The following KANK1 variants were observed in gnomAD, a reference collection of about 807,000 sequenced individuals.
KANK1 encodes the protein KN motif and ankyrin repeat domains 1, also known as KN motif and ankyrin repeat domain-containing protein 1.
KANK1 carries 109 observed loss-of-function variants against 106.2 expected under a neutral mutation model. That is an observed-to-expected ratio of 1.03 (90% CI 0.88 to 1.20). The LOEUF (loss-of-function observed/expected upper bound fraction) is 1.20, where lower values mean the gene tolerates loss of function less well. Ranked by LOEUF, KANK1 falls within the 50% of genes most tolerant of loss-of-function variation. KANK1 has a pLI of 0.00. For missense variants in KANK1, 2,399 were observed against 1,710.7 expected, an observed-to-expected ratio of 1.40 and a Z score of -7.10; for synonymous variants, 873 against 652.2, an observed-to-expected ratio of 1.34 and a Z score of -5.16.
At chr9:594,595 TGA>T (rs1427547054) in intron 1 of KANK1, among the ~76,000 whole-genome samples, 3 of 151,858 alleles carry the variant, frequency 2.0e-5, no homozygotes, top group Non-Finnish European at 4.4e-5. Context: ...TTAATAAGTG[TGA>T]GATTGTTTAT....
chr9:521,237 C>G (rs1180649822), intron 1 of KANK1, among the ~76,000 whole-genome samples: 1 of 151,702 alleles, frequency 6.6e-6, no homozygotes, highest in African/African-American at 2.4e-5. Context: ...TGTTGAGATT[C>G]TTTTTGTGGG....
intron 1 of KANK1, among the ~76,000 whole-genome samples, chr9:655,228 G>T (rs1158004056): frequency 6.6e-6 from 1 of 151,968 alleles, no homozygotes; most frequent in African/African-American, 2.4e-5. Flanking sequence ...GAAATTAGTC[G>T]GGCATGATGG....
intron 3 of KANK1, among the ~76,000 whole-genome samples, chr9:491,287 T>TTTTTTG (rs1489133695): frequency 6.7e-6 from 1 of 150,014 alleles, no homozygotes; most frequent in African/African-American, 2.5e-5. Flanking sequence ...TTTTTTTTTT[T>TTTTTTG]AGACAGAGTC....
chr9:689,355 G>A (rs557735061), intron 2 of KANK1, among the ~76,000 whole-genome samples: 8 of 152,194 alleles, frequency 5.3e-5, no homozygotes, highest in African/African-American at 1.7e-4. Flanking sequence ...AGATAGCATC[G>A]TCTTCCTAAA....
intron 8 of KANK1, among the ~76,000 whole-genome samples, chr9:740,193 A>G (rs1835027998): frequency 6.6e-6 from 1 of 152,198 alleles, no homozygotes; most frequent in Admixed American, 6.5e-5. Context: ...CAAGAATAGA[A>G]AAGGTCTGGT....
At chr9:608,031 A>ATTTTTTTTTTT (rs1175822024) in intron 1 of KANK1, among the ~76,000 whole-genome samples, 23 of 88,098 alleles carry the variant, frequency 2.6e-4, no homozygotes, top group African/African-American at 5.9e-4. Flanking sequence ...TATTATTATT[A>ATTTTTTTTTTT]TTATTTTTTT....
At chr9:660,293 T>C in intron 1 of KANK1, 1 of 226,958 alleles carries the variant, frequency 4.4e-6, no homozygotes. Context: ...TTGGAATGGC[T>C]AAGGACAACC....
intron 1 of KANK1, among the ~76,000 whole-genome samples, chr9:665,291 T>C (rs982708755): frequency 6.6e-6 from 1 of 152,216 alleles, no homozygotes; most frequent in African/African-American, 2.4e-5. Flanking sequence ...ATTAGTTTTA[T>C]AATTTCAGGT....
chr9:553,459 C>T (rs1349528612), intron 1 of KANK1, among the ~76,000 whole-genome samples: 2 of 151,998 alleles, frequency 1.3e-5, no homozygotes, highest in Admixed American at 1.3e-4. Context: ...TCTAAGAGCA[C>T]GCAGGTGGAA....
chr9:717,658 T>C (rs925151880), intron 3 of KANK1, among the ~76,000 whole-genome samples: 3 of 152,200 alleles, frequency 2.0e-5, no homozygotes, highest in African/African-American at 7.2e-5. Context: ...GGAAATGAGT[T>C]TCTGTTATAA....
At chr9:587,701 T>C (rs1823846537) in intron 1 of KANK1, among the ~76,000 whole-genome samples, 1 of 152,228 alleles carries the variant, frequency 6.6e-6, no homozygotes. Flanking sequence ...CCAAGCATTT[T>C]ATATATATTA....
At chr9:547,064 T>C (rs1347687532) in intron 1 of KANK1, among the ~76,000 whole-genome samples, 1 of 152,196 alleles carries the variant, frequency 6.6e-6, no homozygotes, top group Admixed American at 6.5e-5. Context: ...TTTGAAACAT[T>C]TGGGGCTGAT....
Position 732,370 on chromosome 9 carries a change from C to G in KANK1, c.3006-8C>G. ...CTTGCATCTCCTGAAATCCCAATTG[C>G]CACCTAGGTATGAAACAACTTCAAG... On this transcript the variant is annotated splice_polypyrimidine_tract_variant and splice_region_variant and intron_variant, in intron 5 of 11. Coordinates refer to ENST00000382297, the MANE Select transcript of KANK1 (RefSeq NM_015158.5). 1 of 1,602,730 alleles carries G rather than the reference C, an allele frequency of 6.2e-7. No homozygotes were observed.
intron 1 of KANK1, among the ~76,000 whole-genome samples, chr9:665,687 C>T (rs1201424435): frequency 6.6e-6 from 1 of 152,130 alleles, no homozygotes; most frequent in East Asian, 1.9e-4. Flanking sequence ...TGCTCTGTTT[C>T]TATGGGGAAT....
chr9:730,121 C>T lies in KANK1; in HGVS notation c.2769C>T (p.Ser923=). The T allele has an allele frequency of 6.2e-7, 1 of 1,614,158 alleles. No homozygotes were observed. The highest frequency in any genetic ancestry group is 8.5e-7 in the Non-Finnish European group (1 of 1,180,030). ...GAAGTCCCTTAAGCTCCCAGACATCCCAGCCTGAGCAAGAAGTGGGGACCT... is the reference window on the plus strand; with the variant it reads ...GAAGTCCCTTAAGCTCCCAGACATCTCAGCCTGAGCAAGAAGTGGGGACCT... ...QSGSPLSSQT[S]QPEQEVGTSE... The change falls in exon 4 of 12, where the codon TCC becomes TCT. Residue 923 remains serine, a synonymous_variant. Coordinates refer to ENST00000382297, the MANE Select transcript of KANK1 (RefSeq NM_015158.5).
intron 1 of KANK1, among the ~76,000 whole-genome samples, chr9:609,126 A>G (rs910490990): frequency 6.6e-6 from 1 of 152,154 alleles, no homozygotes; most frequent in African/African-American, 2.4e-5. Context: ...GAAAAAAAAA[A>G]AGATTGTCCA....
intron 2 of KANK1, among the ~76,000 whole-genome samples, chr9:697,487 C>T (rs1821605414): frequency 6.6e-6 from 1 of 152,058 alleles, no homozygotes; most frequent in African/African-American, 2.4e-5. Flanking sequence ...AAGTTGTAGA[C>T]GTTTCCAGGA....
chr9:606,285 G>A (rs949980372), intron 1 of KANK1, among the ~76,000 whole-genome samples: 1 of 149,176 alleles, frequency 6.7e-6, no homozygotes, highest in African/African-American at 2.6e-5. Context: ...TGGTGGGGGC[G>A]GTGGCTCACA....
At chr9:621,740 G>T (rs191613430) in intron 1 of KANK1, among the ~76,000 whole-genome samples, 1 of 151,926 alleles carries the variant, frequency 6.6e-6, no homozygotes, top group African/African-American at 2.4e-5. Flanking sequence ...TACCACAAAC[G>T]CAGCTCAAAT....
Sources: allele counts gnomAD v4.1 joint callset (sites outside exome capture counted in the v4.1 genomes callset), GRCh38; gene constraint gnomAD v4.1.1; transcripts MANE v1.5; gene names NCBI Gene and HGNC (gene_info 2026-07-23, HGNC 2026-07-21).